Variants in ACSS1 observed in about 807,000 individuals in gnomAD.
ACSS1 encodes the protein acyl-CoA synthetase short chain family member 1.
In ACSS1, 42 loss-of-function variants were observed where a neutral mutation model predicts 75.3. That is an observed-to-expected ratio of 0.56 (90% CI 0.44 to 0.72). The LOEUF (loss-of-function observed/expected upper bound fraction) is 0.72. Ranked by LOEUF, ACSS1 falls within the 30% of genes least tolerant of loss-of-function variation. ACSS1 has a pLI of 0.00. For synonymous variants in ACSS1, 380 were observed against 376.8 expected, an observed-to-expected ratio of 1.01 and a Z score of -0.10; for missense variants, 782 against 935.7, an observed-to-expected ratio of 0.84 and a Z score of 2.14.
intron 2 of ACSS1, chr20:25,046,417 A>C: frequency 8.4e-6 from 2 of 239,020 alleles, no homozygotes; most frequent in Non-Finnish European, 8.4e-6. Context: ...CCGAACCGCT[A>C]CTTAGCACAC....
Position 25,006,598 on chromosome 20 carries a change from C to T in ACSS1, c.*1164G>A. 2 of 476,612 alleles carry T rather than the reference C, an allele frequency of 4.2e-6. No individual in the cohort carries two copies. The highest frequency in any genetic ancestry group is 2.4e-5 in the South Asian group (1 of 40,994). 29.5% of individuals were successfully genotyped at this position (476,612 alleles called of 1,614,324 possible). On this transcript the variant is annotated 3_prime_UTR_variant, in exon 14 of 14. Coordinates refer to ENST00000323482, the MANE Select transcript of ACSS1 (RefSeq NM_032501.4). ...GACTGTGGGGCAAAGAGGACAAACT[C>T]TCCCTCCCCTAAGGGACCCGGCTCA...
chr20:25,045,448 G>A (rs1009680103), intron 2 of ACSS1, among the ~76,000 whole-genome samples: 2 of 152,234 alleles, frequency 1.3e-5, no homozygotes, highest in Admixed American at 1.3e-4. Flanking sequence ...CCAGAGTCGG[G>A]AGGTTTCCCT....
intron 13 of ACSS1, among the ~76,000 whole-genome samples, chr20:25,008,398 A>G (rs1568825917): frequency 6.6e-6 from 1 of 152,260 alleles, no homozygotes; most frequent in Non-Finnish European, 1.5e-5. Flanking sequence ...TCAAACAACT[A>G]CAGCCCATTC....
intron 2 of ACSS1, among the ~76,000 whole-genome samples, chr20:25,038,876 C>T (rs1356265613): frequency 1.3e-5 from 2 of 152,158 alleles, no homozygotes; most frequent in African/African-American, 2.4e-5. Context: ...CTGTCACTGC[C>T]CCCCTGCTGG....
chr20:25,009,543 A>C, intron 12 of ACSS1, 155 bp from the exon 13 acceptor site: 1 of 658,416 alleles, frequency 1.5e-6, no homozygotes, highest in Non-Finnish European at 2.7e-6. Context: ...TTGCAAACCC[A>C]AAGATGCACT....
intron 12 of ACSS1, 107 bp downstream of exon 12, chr20:25,012,494 C>T (rs1022969959): frequency 2.9e-6 from 4 of 1,365,724 alleles, no homozygotes; most frequent in Non-Finnish European, 1.0e-6. Context: ...GCTTGGCCCA[C>T]AGTATCCCCT....
intron 2 of ACSS1, among the ~76,000 whole-genome samples, chr20:25,041,092 A>G (rs1228343113): frequency 6.6e-6 from 1 of 152,098 alleles, no homozygotes; most frequent in East Asian, 1.9e-4. Flanking sequence ...CCCCGTCTCT[A>G]TTAAAAATAC....
Position 25,007,886 on chromosome 20 carries a change from C to T in ACSS1, c.1946G>A (p.Arg649Lys), listed in dbSNP as rs755309014. ...RSGKVMRRLL[R>K]KIITSEAQEL... The stretch of plus-strand genomic sequence containing the variant: ...CTGGGCCTCACTAGTGATGATCTTC[C>T]TCAGGAGCCGCCGCATGACCTTCCC... The change falls in exon 14 of 14, where the codon AGG (arginine) becomes AAG (lysine). Residue 649 changes from arginine to lysine, a missense_variant. Coordinates refer to ENST00000323482, the MANE Select transcript of ACSS1 (RefSeq NM_032501.4). 32 of 1,614,092 alleles carry T rather than the reference C, an allele frequency of 2.0e-5. No homozygotes were observed. Among genetic ancestry groups the T allele is most frequent in the Non-Finnish European group, 2.6e-5 (31 of 1,180,044 alleles).
chr20:25,020,324 G>T (rs1161067323), intron 6 of ACSS1, among the ~76,000 whole-genome samples, 177 bp from the exon 7 acceptor site: 1 of 151,182 alleles, frequency 6.6e-6, no homozygotes, highest in Non-Finnish European at 1.5e-5. Flanking sequence ...AGCCCCATGG[G>T]ACAGGTCCCC....
chr20:25,057,579 C>G (rs2089260648), intron 1 of ACSS1, among the ~76,000 whole-genome samples, 190 bp downstream of exon 1: 1 of 152,110 alleles, frequency 6.6e-6, no homozygotes, highest in South Asian at 2.1e-4. Context: ...ATCTGGGGCC[C>G]GATGGGATGA....
chr20:25,029,765 A>G (rs2088789717), intron 3 of ACSS1, among the ~76,000 whole-genome samples: 1 of 152,274 alleles, frequency 6.6e-6, no homozygotes, highest in African/African-American at 2.4e-5. Context: ...TGATGACTGC[A>G]TAACACTGTG....
At chr20:25,029,848 A>G (rs2088791056) in intron 3 of ACSS1, among the ~76,000 whole-genome samples, 2 of 152,264 alleles carry the variant, frequency 1.3e-5, no homozygotes, top group Admixed American at 6.5e-5. Context: ...GGGAATAATA[A>G]TAGTATTATT....
At chr20:25,021,606 G>C in intron 5 of ACSS1, 70 bp from the exon 6 acceptor site, 1 of 1,569,200 alleles carries the variant, frequency 6.4e-7, no homozygotes, top group Non-Finnish European at 8.6e-7. Flanking sequence ...AGGTCACTAG[G>C]AAATAGGCAT....
chr20:25,057,453 C>A (rs751773090), intron 1 of ACSS1, among the ~76,000 whole-genome samples: 1 of 152,214 alleles, frequency 6.6e-6, no homozygotes, highest in Non-Finnish European at 1.5e-5. Flanking sequence ...GCTATGCACC[C>A]GGTAACGCAA....
intron 5 of ACSS1, 104 bp from the exon 6 acceptor site, chr20:25,021,640 TGA>T: frequency 7.0e-7 from 1 of 1,430,300 alleles, no homozygotes; most frequent in Non-Finnish European, 9.4e-7. Context: ...TCCATAGCTG[TGA>T]GAGGCAGCTG....
chr20:25,048,153 C>A lies in ACSS1; in HGVS notation c.363G>T (p.Lys121Asn). 1.2e-6 allele frequency: 2 copies of A among 1,613,608 alleles called. No individual in the cohort carries two copies. Among genetic ancestry groups the A allele is most frequent in the South Asian group, 2.2e-5 (2 of 91,062 alleles). ...SVNCLDQHVR[K>N]SPESVALIWE... ...AGATCAAAGCAACGCTCTCGGGGGA[C>A]TTCCGAACATGCTGGTCCAAGCAGT... is the stretch of plus-strand genomic sequence containing the variant. Residue 121 changes from lysine (K) to asparagine (N), a missense_variant, in exon 2 of 14, where the codon AAG (lysine) becomes AAT (asparagine). Lys to Asn is a moderately conservative substitution (Grantham distance 94, BLOSUM62 0). This residue lies in a region of ACSS1 where 377 missense variants were observed against 383.1 expected (regional missense o/e 0.98). Transcript: ENST00000323482.
chr20:25,015,018 C>G (rs1600309722), intron 8 of ACSS1, 120 bp downstream of exon 8: 20 of 800,562 alleles, frequency 2.5e-5, no homozygotes, highest in Middle Eastern at 4.0e-4. Flanking sequence ...TCCGCAGTCT[C>G]GGGCGTTGAA....
chr20:25,045,255 G>A (rs968670430), intron 2 of ACSS1, among the ~76,000 whole-genome samples: 1 of 152,242 alleles, frequency 6.6e-6, no homozygotes, highest in Non-Finnish European at 1.5e-5. Flanking sequence ...CAGGCCAGCA[G>A]CAGGATGGTA....
chr20:25,056,003 A>G (rs1262347664), intron 1 of ACSS1, among the ~76,000 whole-genome samples: 2 of 152,212 alleles, frequency 1.3e-5, no homozygotes, highest in Non-Finnish European at 2.9e-5. Flanking sequence ...CTGTTTTTCA[A>G]GTTAGTTTTC....
Sources: gnomAD v4.1 joint callset for allele counts (sites outside exome capture counted in the v4.1 genomes callset) on GRCh38, gnomAD v4.1.1 for gene constraint, gnomAD v4.1.1 regional missense constraint, MANE v1.5 for transcripts, NCBI Gene and HGNC (gene_info 2026-07-23, HGNC 2026-07-21) for gene names.